The following PSME3IP1 variants were observed in gnomAD, a reference collection of about 807,000 sequenced individuals.
PSME3IP1 encodes PSME3-interacting protein.
In PSME3IP1, 13 loss-of-function variants were observed where a neutral mutation model predicts 34.1. The ratio of observed to expected loss-of-function variants is 0.38; its 90% CI spans 0.25 to 0.61. The LOEUF (loss-of-function observed/expected upper bound fraction) is 0.61. Among genes scored for constraint, PSME3IP1 ranks in the 20% least tolerant of loss-of-function variants. The probability of loss-of-function intolerance (pLI) is 0.60; values close to 1 mark genes in which losing one functional copy is unlikely to be tolerated. For synonymous variants in PSME3IP1, 93 were observed against 114.3 expected (o/e 0.81, Z 1.19); for missense variants, 237 against 301.4 (o/e 0.79, Z 1.58).
chr16:57,155,836 G>T (rs1158730325), intron 6 of PSME3IP1, among the ~76,000 whole-genome samples: 2 of 151,524 alleles, frequency 1.3e-5, no homozygotes, highest in African/African-American at 4.9e-5. Context: ...GTCGGGTATA[G>T]TGGTGCATGC....
At position 57,154,690 on chromosome 16, in the gene PSME3IP1, C is replaced by T. The variant is rs1171391872; in HGVS notation, c.548-183G>A. ...GGGGAAACTGAAGGAGGAAGGGAGG[C>T]TCCAGGAGGTGAAAGGACTTCTGAA... On this transcript the variant is annotated intron_variant, in intron 6 of 6. Transcript: ENST00000309137. This position sits in a 1 kb window ranked among gnomAD's most constrained non-coding sequence, Gnocchi z 4.0. 2.6e-5 allele frequency among the ~76,000 whole-genome samples: 4 copies of T among 152,154 alleles called. No individual in the cohort carries two copies. The highest frequency in any genetic ancestry group is 4.4e-5 in the Non-Finnish European group (3 of 68,032).
At chr16:57,181,262 T>C (rs535076142) in intron 1 of PSME3IP1, among the ~76,000 whole-genome samples, 4 of 152,328 alleles carry the variant, frequency 2.6e-5, no homozygotes, top group African/African-American at 4.8e-5. Flanking sequence ...ATTGTATTCA[T>C]TGTATTTTTT....
rs147656655 is a variant in PSME3IP1, at chr16:57,165,817, A to G, written c.482+1276T>C. Among the ~76,000 whole-genome samples, 18 of 152,280 alleles carry G rather than the reference A, an allele frequency of 1.2e-4. No individual in the cohort carries two copies. In the East Asian group the frequency reaches 2.3e-3, roughly 20 times the overall value. ...TTATATGCAGGTCACCAAATACGCT[A>G]CTACAGAGCCTTTTCTAAAGGTGAT... On this transcript the variant is annotated intron_variant, in intron 5 of 6. Coordinates refer to ENST00000309137, the MANE Select transcript of PSME3IP1 (RefSeq NM_024946.4).
chr16:57,167,285 T>C, intron 4 of PSME3IP1, 59 bp from the exon 5 acceptor site: 12 of 1,595,760 alleles, frequency 7.5e-6, no homozygotes, highest in Middle Eastern at 1.7e-4. Flanking sequence ...TATAACCCAC[T>C]AGCCCTTCGG....
At position 57,178,405 on chromosome 16, in the gene PSME3IP1, T is replaced by A. The variant is rs1194726082; in HGVS notation, c.-15-4536A>T. Reference sequence around the variant, plus strand: ...TCTACTACAGCCCTTATTCTTTGTGTTTTATCATCTGTGACTGTTCCAACA... The same window carrying A: ...TCTACTACAGCCCTTATTCTTTGTGATTTATCATCTGTGACTGTTCCAACA... On this transcript the variant is annotated intron_variant, in intron 1 of 6. Transcript: ENST00000309137. 1.3e-5 allele frequency: 4 copies of A among 298,690 alleles called. No homozygotes were observed. The Admixed American group carries it at 1.9e-4, about 15-fold the overall frequency. 18.5% of individuals were successfully genotyped at this position (298,690 alleles called of 1,614,324 possible). A position where few individuals can be genotyped will look rare whatever the true frequency, so the allele number is the denominator to read the frequency against.
intron 4 of PSME3IP1, among the ~76,000 whole-genome samples, chr16:57,171,238 T>C (rs546991538): frequency 1.3e-5 from 2 of 152,118 alleles, no homozygotes; most frequent in Non-Finnish European, 2.9e-5. Context: ...GCCCTGAGAT[T>C]GACTCAGAAA....
At chr16:57,156,303 C>A (rs1360300670) in intron 6 of PSME3IP1, among the ~76,000 whole-genome samples, 1 of 152,198 alleles carries the variant, frequency 6.6e-6, no homozygotes, top group African/African-American at 2.4e-5. Flanking sequence ...TACTTTGTTG[C>A]CACAGGCTGA....
intron 1 of PSME3IP1, among the ~76,000 whole-genome samples, chr16:57,182,307 C>T (rs778715833): frequency 6.6e-6 from 1 of 151,916 alleles, no homozygotes; most frequent in African/African-American, 2.4e-5. Flanking sequence ...CCTGAGATTT[C>T]AAGGGTAGCT....
At chr16:57,179,598 T>G (rs1280425093) in intron 1 of PSME3IP1, among the ~76,000 whole-genome samples, 1 of 152,222 alleles carries the variant, frequency 6.6e-6, no homozygotes, top group African/African-American at 2.4e-5. Context: ...CACAAAGTAA[T>G]GAGATCTGGT....
intron 4 of PSME3IP1, among the ~76,000 whole-genome samples, chr16:57,169,636 T>C (rs2072324551): frequency 6.6e-6 from 1 of 152,224 alleles, no homozygotes; most frequent in South Asian, 2.1e-4. Context: ...CTGTTCATTC[T>C]TTCCTTTTAA....
chr16:57,174,440 C>T (rs921576073), intron 1 of PSME3IP1: 1 of 985,322 alleles, frequency 1.0e-6, no homozygotes, highest in Middle Eastern at 5.2e-4. Context: ...ATTCTTATTA[C>T]CTGGTGTTCC....
chr16:57,175,811 A>G (rs897598268), intron 1 of PSME3IP1: 1 of 152,186 alleles, frequency 6.6e-6, no homozygotes, highest in Admixed American at 6.5e-5. Context: ...TCCTACTTCA[A>G]ATTCCAGTGC....
chr16:57,178,391 C>T (rs1336396786), intron 1 of PSME3IP1: 4 of 215,618 alleles, frequency 1.9e-5, no homozygotes, highest in African/African-American at 9.4e-5. Context: ...CTACTACAGC[C>T]CTTATTCTTT....
intron 1 of PSME3IP1, chr16:57,178,506 T>C (rs2073404358): frequency 2.0e-6 from 2 of 979,528 alleles, no homozygotes; most frequent in African/African-American, 1.7e-5. Context: ...ACTTACTGAA[T>C]AAACCAACCA....
Position 57,172,364 on chromosome 16 carries a change from C to G in PSME3IP1, c.235G>C (p.Val79Leu). Residue 79 changes from valine (V) to leucine (L), a missense_variant, in exon 4 of 7, where the codon GTA becomes CTA. Coordinates refer to ENST00000309137, the MANE Select transcript of PSME3IP1 (RefSeq NM_024946.4). The part of the protein sequence containing the change: ...YEEQFKFKNM[V>L]RGLDEDETNF... ...GTCTCATCTTCATCTAAGCCTCTTA[C>G]CATGTTTTCTGAGGAAATAATTAAA... 9 of 1,613,780 alleles carry G rather than the reference C, an allele frequency of 5.6e-6. No individual in the cohort carries two copies. The highest frequency in any genetic ancestry group is 7.6e-6 in the Non-Finnish European group (9 of 1,179,940).
chr16:57,163,378 G>A (rs1439894281), intron 6 of PSME3IP1, among the ~76,000 whole-genome samples: 1 of 152,058 alleles, frequency 6.6e-6, no homozygotes, highest in Admixed American at 6.6e-5. Flanking sequence ...AGAAATTAAT[G>A]TAAGCCCTGT....
Position 57,154,626 on chromosome 16 carries a change from C to T in PSME3IP1, c.548-119G>A. Reference sequence around the variant, plus strand: ...CCCACAGAGGAGCCTTAGAACAATGCTATGCAGCCAATACTATCATCACCC... The same window carrying T: ...CCCACAGAGGAGCCTTAGAACAATGTTATGCAGCCAATACTATCATCACCC... On this transcript the variant is annotated intron_variant, in intron 6 of 6. Coordinates refer to ENST00000309137, the MANE Select transcript of PSME3IP1 (RefSeq NM_024946.4). The surrounding 1 kb of genome is among the most constrained non-coding windows in gnomAD (Gnocchi z 4.0). The T allele has an allele frequency of 1.3e-6, 1 of 795,306 alleles. No individual in the cohort carries two copies. Among genetic ancestry groups the T allele is most frequent in the East Asian group, 2.8e-5 (1 of 36,168 alleles). The allele number at this position is 795,306 out of a possible 1,614,324, so 49.3% of individuals were successfully genotyped here.
chr16:57,157,926 G>A (rs564781469), intron 6 of PSME3IP1, among the ~76,000 whole-genome samples: 1 of 152,312 alleles, frequency 6.6e-6, no homozygotes. Context: ...CAGTATTAAA[G>A]CTAAGAAGGC....
chr16:57,167,068 C>A, intron 5 of PSME3IP1, 25 bp downstream of exon 5: 1 of 1,611,822 alleles, frequency 6.2e-7, no homozygotes, highest in Non-Finnish European at 8.5e-7. Context: ...AGAGAGAAAT[C>A]TGAGTTGTGT....
Sources: gnomAD v4.1 joint callset for allele counts (sites outside exome capture counted in the v4.1 genomes callset) on GRCh38, gnomAD v4.1.1 for gene constraint, Gnocchi (gnomAD v3.1) non-coding constraint, MANE v1.5 for transcripts, NCBI Gene and HGNC (gene_info 2026-07-23, HGNC 2026-07-21) for gene names.